IRS4: variants seen among roughly 807,000 people sequenced by gnomAD.
The protein encoded by IRS4 is insulin receptor substrate 4.
In IRS4, 15 loss-of-function variants were observed where a neutral mutation model predicts 48.6. The ratio of observed to expected loss-of-function variants is 0.31; its 90% CI spans 0.21 to 0.48. The LOEUF is 0.48. Ranked by LOEUF, IRS4 falls within the 20% of genes least tolerant of loss-of-function variation. The pLI is 0.99. For missense variants in IRS4, 987 were observed against 1,023.4 expected (o/e 0.96, Z 0.49); for synonymous variants, 459 against 413.2 (o/e 1.11, Z -1.34).
Position 108,732,592 on chromosome X carries a change from G to A in IRS4, c.3753C>T (p.Asp1251=). 1.1e-5 allele frequency: 13 copies of A among 1,211,215 alleles called. No individual in the cohort carries two copies. The highest frequency in any genetic ancestry group is 1.3e-5 in the Non-Finnish European group (12 of 894,948). ...MDFARRDNQF[D]SPKRE is the part of the protein sequence containing the mutation. ...AAAATTACCGACCTCTTTTGGGAGA[G>A]TCGAACTGATTATCACGTCTGGCAA... is the stretch of plus-strand genomic sequence containing the variant. Residue 1251 remains aspartate (D), a synonymous_variant, in exon 1 of 2, where the codon GAC becomes GAT. Transcript: ENST00000372129.
chrX:108,730,901 T>A (rs2068898773), intron 1 of IRS4, among the ~76,000 whole-genome samples: 1 of 111,984 alleles, frequency 8.9e-6, no homozygotes, highest in Admixed American at 9.5e-5. Context: ...AAACAATAGA[T>A]TGAGATCAAT....
rs28712105 is a variant in IRS4, at chrX:108,733,493, G to T, written c.2852C>A (p.Pro951His). 3.3e-6 allele frequency: 4 copies of T among 1,211,757 alleles called. No individual in the cohort carries two copies. The highest frequency in any genetic ancestry group is 1.7e-5 in the African/African-American group (1 of 57,779). Residue 951 changes from proline to histidine, a missense_variant, in exon 1 of 2, where the codon CCC becomes CAC. This residue lies in a region of IRS4 where 720 missense variants were observed against 660.3 expected (regional missense o/e 1.09). Transcript: ENST00000372129. ...ATAATTAGAAAAGGCTGACTGTCTG[G>T]GTTCAGCAATTATGCCCCACGAATC... ...LPDSWGIIAE[P>H]RQSAFSNYVN...
Position 108,733,680 on chromosome X carries a change from G to C in IRS4, c.2665C>G (p.Pro889Ala), listed in dbSNP as rs1349966309. The C allele has an allele frequency of 8.3e-7, 1 of 1,209,803 alleles. No homozygotes were observed. The highest frequency in any genetic ancestry group is 3.0e-5 in the East Asian group (1 of 33,760). ...HEPPKNKAKRPNRLSFITKGY... is the reference protein window; with the variant it reads ...HEPPKNKAKRANRLSFITKGY... ...TTTGTAATAAAAGAAAGTCGGTTAGGTCTCTTAGCTTTATTCTTTGGGGGC... is the reference window on the plus strand; with the variant it reads ...TTTGTAATAAAAGAAAGTCGGTTAGCTCTCTTAGCTTTATTCTTTGGGGGC... Residue 889 changes from proline (P) to alanine (A), a missense_variant, in exon 1 of 2, where the codon CCT (proline) becomes GCT (alanine). Around this residue, in one of 4 missense-constraint regions of IRS4, gnomAD observed 720 missense variants for 660.3 expected, o/e 1.09. Coordinates refer to ENST00000372129, the MANE Select transcript of IRS4 (RefSeq NM_001379150.1).
In IRS4 at chrX:108,733,050, C is replaced by A. The variant is rs1029246914; in HGVS notation, c.3295G>T (p.Ala1099Ser). 1.6e-5 allele frequency: 19 copies of A among 1,209,757 alleles called. No homozygotes were observed. Among genetic ancestry groups the A allele is most frequent in the Non-Finnish European group, 1.9e-5 (17 of 894,900 alleles). The change falls in exon 1 of 2, where the codon GCT becomes TCT. Residue 1099 changes from alanine to serine, a missense_variant. By Grantham distance (99) the Ala-to-Ser change is moderately conservative (BLOSUM62 1). Coordinates refer to ENST00000372129, the MANE Select transcript of IRS4 (RefSeq NM_001379150.1). The stretch of plus-strand genomic sequence containing the variant: ...CTGTCTGTTGGAAAAGCAGAGACAG[C>A]GGCTCTGGCTGCTGCAAAGAAACTT... ...SQSFFAAARA[A>S]VSAFPTDSLE... is the part of the protein sequence containing the mutation.
At position 108,734,588 on chromosome X, in the gene IRS4, T is replaced by G; in HGVS notation, c.1757A>C (p.Lys586Thr). Reference sequence around the variant, plus strand: ...TGAGCCTTTGCCCCCCCCAGAGTTCTTGCCACCACCTGAGCCATGGCCATC... The same window carrying G: ...TGAGCCTTTGCCCCCCCCAGAGTTCGTGCCACCACCTGAGCCATGGCCATC... ...PGDGHGSGGG[K>T]NSGGGKGSGS... Residue 586 changes from lysine (K) to threonine (T), a missense_variant, in exon 1 of 2, where the codon AAG (lysine) becomes ACG (threonine). By Grantham distance (78) the Lys-to-Thr change is moderately conservative. Around this residue, in one of 4 missense-constraint regions of IRS4, gnomAD observed 720 missense variants for 660.3 expected, o/e 1.09. Coordinates refer to ENST00000372129, the MANE Select transcript of IRS4 (RefSeq NM_001379150.1). 8.3e-7 allele frequency: 1 copy of G among 1,211,850 alleles called. No individual in the cohort carries two copies. The highest frequency in any genetic ancestry group is 1.1e-6 in the Non-Finnish European group (1 of 895,526).
At chrX:108,731,951 C>T (rs1172420957) in intron 1 of IRS4, among the ~76,000 whole-genome samples, 1 of 111,961 alleles carries the variant, frequency 8.9e-6, no homozygotes, top group Non-Finnish European at 1.9e-5. Flanking sequence ...GAGCCAAATA[C>T]TGTCTTCTTT....
chrX:108,729,249 G>A (rs1347840650), intron 1 of IRS4, among the ~76,000 whole-genome samples: 1 of 107,658 alleles, frequency 9.3e-6, no homozygotes, highest in Non-Finnish European at 1.9e-5. Context: ...TTCCTTCATG[G>A]TGATAACAGT....
chrX:108,733,648 A>G lies in IRS4; in HGVS notation c.2697T>C (p.Tyr899=), dbSNP rs375073273. ...GCTTTTGTGGTTTTGGCTTGATTTTATATCCTTTTGTAATAAAAGAAAGTC... is the reference window on the plus strand; with the variant it reads ...GCTTTTGTGGTTTTGGCTTGATTTTGTATCCTTTTGTAATAAAAGAAAGTC... ...PNRLSFITKG[Y]KIKPKPQKPT... The change falls in exon 1 of 2, where the codon TAT becomes TAC. Residue 899 remains tyrosine (Y), a synonymous_variant. Coordinates refer to ENST00000372129, the MANE Select transcript of IRS4 (RefSeq NM_001379150.1). The G allele has an allele frequency of 5.5e-5, 67 of 1,211,530 alleles. No individual in the cohort carries two copies. Among genetic ancestry groups the G allele is most frequent in the Non-Finnish European group, 7.3e-5 (65 of 895,497 alleles).
rs1267694489 is a variant in IRS4, at chrX:108,736,460, C to T, written c.-116G>A. 3 of 1,087,082 alleles carry T rather than the reference C, an allele frequency of 2.8e-6. No homozygotes were observed. The African/African-American group carries it at 5.5e-5, about 20-fold the overall frequency. 89.6% of individuals were successfully genotyped at this position (1,087,082 alleles called of 1,213,427 possible). On this transcript the variant is annotated 5_prime_UTR_variant, in exon 1 of 2. Coordinates refer to ENST00000372129, the MANE Select transcript of IRS4 (RefSeq NM_001379150.1). ...CCGCCCCAGCCCCCTCCTGCCTTGG[C>T]CCGCGCCCCCGCCCACTCCACTCTG...
rs769489021 is a variant in IRS4, at chrX:108,735,343, G to C, written c.1002C>G (p.Asp334Glu). ...FLEKMRALCA[D>E]EYRARCRSYS... ...AGCTGCGGCAGCGGGCTCTGTATTCGTCTGCACACAAGGCTCTCATCTTCT... is the reference window on the plus strand; with the variant it reads ...AGCTGCGGCAGCGGGCTCTGTATTCCTCTGCACACAAGGCTCTCATCTTCT... Residue 334 changes from aspartate to glutamate, a missense_variant, in exon 1 of 2, where the codon GAC becomes GAG. Transcript: ENST00000372129. 1 of 1,209,309 alleles carries C rather than the reference G, an allele frequency of 8.3e-7. No homozygotes were observed. The highest frequency in any genetic ancestry group is 1.1e-6 in the Non-Finnish European group (1 of 895,096).
chrX:108,735,556 G>C lies in IRS4; in HGVS notation c.789C>G (p.Val263=). ...CTTCGGTGTTCAGCCTCACAAACACGACCTCCTCGTCGGTTAGACACAGCC... is the reference window on the plus strand; with the variant it reads ...CTTCGGTGTTCAGCCTCACAAACACCACCTCCTCGTCGGTTAGACACAGCC... ...VFRLCLTDEE[V]VFVRLNTEVA... The change falls in exon 1 of 2, where the codon GTC becomes GTG. Residue 263 remains valine, a synonymous_variant. Coordinates refer to ENST00000372129, the MANE Select transcript of IRS4 (RefSeq NM_001379150.1). The C allele has an allele frequency of 8.3e-7, 1 of 1,209,662 alleles. No homozygotes were observed. The highest frequency in any genetic ancestry group is 1.1e-6 in the Non-Finnish European group (1 of 894,934).
At position 108,736,045 on chromosome X, in the gene IRS4, G is replaced by C; in HGVS notation, c.300C>G (p.Leu100=). The part of the protein sequence containing the change: ...HGHRRYFVLK[L]ETADAPARLE... ...GCCGAGCTGGGGCGTCAGCAGTCTC[G>C]AGTTTGAGCACGAAGTAGCGCCTGT... is the stretch of plus-strand genomic sequence containing the variant. The change falls in exon 1 of 2, where the codon CTC becomes CTG. Residue 100 remains leucine (L), a synonymous_variant. Transcript: ENST00000372129. 1 of 1,210,774 alleles carries C rather than the reference G, an allele frequency of 8.3e-7. No individual in the cohort carries two copies. Among genetic ancestry groups the C allele is most frequent in the Non-Finnish European group, 1.1e-6 (1 of 895,348 alleles).
intron 1 of IRS4, among the ~76,000 whole-genome samples, chrX:108,729,714 T>C (rs1311472262): frequency 8.9e-6 from 1 of 112,134 alleles, no homozygotes. Flanking sequence ...AATGTGACTG[T>C]AGGTAAATGG....
rs1479710048 is a variant in IRS4 at position 108,733,836 on chromosome X, G to A, written c.2509C>T (p.Leu837=). The change falls in exon 1 of 2, where the codon CTG becomes TTG. Residue 837 remains leucine, a synonymous_variant. Transcript: ENST00000372129. ...ACTTCTTTGTCTAGGCCCCTCCCCA[G>A]GAACTTTCCAGGTAACATTGGCACA... The part of the protein sequence containing the change: ...EYVPMLPGKF[L]GRGLDKEVSY... 1 of 1,211,435 alleles carries A rather than the reference G, an allele frequency of 8.3e-7. No homozygotes were observed. Among genetic ancestry groups the A allele is most frequent in the Admixed American group, 2.2e-5 (1 of 46,024 alleles).
chrX:108,722,754 C>T, intron 1 of IRS4: 1 of 205,012 alleles, frequency 4.9e-6, no homozygotes, highest in East Asian at 1.1e-4. Flanking sequence ...TCTTCTTGCC[C>T]CCAGGCTGTC....
intron 1 of IRS4, chrX:108,726,260 A>G (rs1175625473): frequency 8.9e-6 from 1 of 112,193 alleles, no homozygotes; most frequent in Non-Finnish European, 1.9e-5. Context: ...CTGAACTAAC[A>G]GAGAACTATT....
chrX:108,734,981 C>A lies in IRS4; in HGVS notation c.1364G>T (p.Arg455Leu), dbSNP rs777872881. 1.1e-5 allele frequency: 13 copies of A among 1,210,307 alleles called. No homozygotes were observed. The highest frequency in any genetic ancestry group is 1.5e-5 in the Non-Finnish European group (13 of 895,348). The change falls in exon 1 of 2, where the codon CGC becomes CTC. Residue 455 changes from arginine (R) to leucine (L), a missense_variant. Coordinates refer to ENST00000372129, the MANE Select transcript of IRS4 (RefSeq NM_001379150.1). ...AGAACCAGACACTTCAGAAGACAGGCGAGCTCCATTGTTCGGGGCTTCTGC... is the reference window on the plus strand; with the variant it reads ...AGAACCAGACACTTCAGAAGACAGGAGAGCTCCATTGTTCGGGGCTTCTGC... ...HPAEAPNNGA[R>L]LSSEVSGSGS...
intron 1 of IRS4, chrX:108,725,901 T>G (rs2148014030): frequency 8.9e-6 from 1 of 112,028 alleles, no homozygotes; most frequent in South Asian, 3.7e-4. Flanking sequence ...CACCTGCCCT[T>G]TGTTAGCAGG....
In IRS4 at chrX:108,733,336, A is replaced by G; in HGVS notation, c.3009T>C (p.Ser1003=). Residue 1003 remains serine, a synonymous_variant, in exon 1 of 2, where the codon AGT becomes AGC. Coordinates refer to ENST00000372129, the MANE Select transcript of IRS4 (RefSeq NM_001379150.1). ...ARWPLPPLPL[S]ATGSNAIEEE... ...CCTCAATAGCATTGCTACCTGTAGC[A>G]CTGAGGGGAAGGGGAGGAAGTGGCC... 1 of 1,211,874 alleles carries G rather than the reference A, an allele frequency of 8.3e-7. No homozygotes were observed. The highest frequency in any genetic ancestry group is 1.1e-6 in the Non-Finnish European group (1 of 895,497).
Sources: gnomAD v4.1 joint callset for allele counts (sites outside exome capture counted in the v4.1 genomes callset) on GRCh38, gnomAD v4.1.1 for gene constraint, gnomAD v4.1.1 regional missense constraint, MANE v1.5 for transcripts, NCBI Gene and HGNC (gene_info 2026-07-23, HGNC 2026-07-21) for gene names.